The following RABEP1 variants were observed in gnomAD, a reference collection of about 807,000 sequenced individuals.
The protein encoded by RABEP1 is rab GTPase-binding effector protein 1.
Under a neutral mutation model 123.4 loss-of-function variants are expected in RABEP1, and 51 were observed. The ratio of observed to expected loss-of-function variants is 0.41; its 90% CI spans 0.33 to 0.52. The LOEUF (loss-of-function observed/expected upper bound fraction) is 0.52. Among genes scored for constraint, RABEP1 ranks in the 20% least tolerant of loss-of-function variants. The pLI, the probability that RABEP1 is intolerant of heterozygous loss-of-function variation, is 0.16. For synonymous variants in RABEP1, 347 were observed against 355.2 expected (o/e 0.98, Z 0.26); for missense variants, 888 against 996.3 (o/e 0.89, Z 1.46).
At position 5,319,435 on chromosome 17, in the gene RABEP1, C is replaced by T. The variant is rs147621465; in HGVS notation, c.163+10613C>T. ...AGGCTGGAGTGCAGTGCCGCAATCT[C>T]GGCTCACTGCAACCTCTGCCTCCCA... On this transcript the variant is annotated intron_variant, in intron 2 of 17. Coordinates refer to ENST00000537505, the MANE Select transcript of RABEP1 (RefSeq NM_004703.6). 2.2e-3 allele frequency among the ~76,000 whole-genome samples: 340 copies of T among 151,786 alleles called. 1 individual carries two copies. Among genetic ancestry groups the T allele is most frequent in the Middle Eastern group, 0.014 (4 of 290 alleles).
In RABEP1 at chr17:5,384,860, T is replaced by C. The variant is rs1157599459; in HGVS notation, c.*1637T>C. On this transcript the variant is annotated 3_prime_UTR_variant, in exon 18 of 18. Transcript: ENST00000537505. Reference sequence around the variant, plus strand: ...GAGTTACAGGGGATTTTATTAATTATAAAATGCAATCAATTTAAATTACGT... The same window carrying C: ...GAGTTACAGGGGATTTTATTAATTACAAAATGCAATCAATTTAAATTACGT... 9.2e-6 allele frequency: 2 copies of C among 218,506 alleles called. No individual in the cohort carries two copies. Among genetic ancestry groups the C allele is most frequent in the African/African-American group, 2.2e-5 (1 of 44,612 alleles). The allele number at this position is 218,506 out of a possible 1,614,324, so 13.5% of individuals were successfully genotyped here.
chr17:5,298,227 G>A (rs7213177), intron 1 of RABEP1, among the ~76,000 whole-genome samples: 79,409 of 152,060 alleles, frequency 0.52, 21,701 homozygotes, highest in East Asian at 0.96. Flanking sequence ...TATAGCTAAT[G>A]TGTAGCCTTT....
intron 8 of RABEP1, among the ~76,000 whole-genome samples, chr17:5,356,321 A>C (rs1208839098): frequency 6.6e-6 from 1 of 152,122 alleles, no homozygotes; most frequent in African/African-American, 2.4e-5. Context: ...TTGCTACTGC[A>C]CTCCAGCCTG....
intron 6 of RABEP1, among the ~76,000 whole-genome samples, chr17:5,347,526 C>G (rs944284536): frequency 2.0e-5 from 3 of 152,158 alleles, no homozygotes; most frequent in Non-Finnish European, 2.9e-5. Context: ...CTTTTCCCCC[C>G]ACACTCATTT....
chr17:5,343,731 A>T (rs1184768255), intron 5 of RABEP1, among the ~76,000 whole-genome samples: 4 of 118,278 alleles, frequency 3.4e-5, no homozygotes, highest in Non-Finnish European at 6.4e-5. Context: ...GCTGGAGTGT[A>T]GTGGCATGAT....
chr17:5,326,535 C>G (rs1905985730), intron 2 of RABEP1, among the ~76,000 whole-genome samples: 2 of 152,142 alleles, frequency 1.3e-5, no homozygotes, highest in Admixed American at 6.6e-5. Context: ...AGCAGTGAAA[C>G]TATTTTATAT....
chr17:5,301,130 A>G (rs1386102145), intron 1 of RABEP1, among the ~76,000 whole-genome samples: 2 of 152,292 alleles, frequency 1.3e-5, no homozygotes, highest in African/African-American at 2.4e-5. Context: ...CTGCTGGCCT[A>G]TAGAAATTCA....
chr17:5,314,559 C>A (rs1275815406), intron 2 of RABEP1, among the ~76,000 whole-genome samples: 1 of 149,040 alleles, frequency 6.7e-6, no homozygotes, highest in Admixed American at 6.7e-5. Context: ...TGCTCTGTCA[C>A]CCAGGCTGGA....
At chr17:5,328,951 T>C (rs955083153) in intron 2 of RABEP1, among the ~76,000 whole-genome samples, 2 of 151,140 alleles carry the variant, frequency 1.3e-5, no homozygotes, top group African/African-American at 2.4e-5. Context: ...AAAAATAAAT[T>C]ATTAGTATAA....
intron 7 of RABEP1, 50 bp downstream of exon 7, chr17:5,350,679 C>T: frequency 2.5e-6 from 4 of 1,583,838 alleles, no homozygotes; most frequent in East Asian, 2.2e-5. Flanking sequence ...ATGTCCCCCA[C>T]CACATGTGAT....
intron 14 of RABEP1, 80 bp downstream of exon 14, chr17:5,377,385 G>A (rs757361886): frequency 2.8e-5 from 31 of 1,116,474 alleles, no homozygotes; most frequent in Non-Finnish European, 3.7e-5. Context: ...TGGCCATGGA[G>A]TCTGGAACAC....
chr17:5,366,867 A>G (rs1910039212), intron 11 of RABEP1, among the ~76,000 whole-genome samples: 1 of 151,748 alleles, frequency 6.6e-6, no homozygotes, highest in Admixed American at 6.6e-5. Flanking sequence ...AGGCGGGCAG[A>G]TTACCTGAGG....
intron 11 of RABEP1, among the ~76,000 whole-genome samples, chr17:5,366,873 TGAGGTCAG>T (rs1910040145): frequency 6.6e-6 from 1 of 151,754 alleles, no homozygotes; most frequent in Admixed American, 6.6e-5. Flanking sequence ...GCAGATTACC[TGAGGTCAG>T]GAGTTTGAGA....
chr17:5,308,160 C>T (rs934779639), intron 1 of RABEP1, among the ~76,000 whole-genome samples: 9 of 151,198 alleles, frequency 6.0e-5, no homozygotes, highest in African/African-American at 2.2e-4. Flanking sequence ...TTATGTGATT[C>T]TCTGTATATT....
Position 5,327,038 on chromosome 17 carries a change from A to T in RABEP1, c.164-4911A>T, listed in dbSNP as rs117827706. Among the ~76,000 whole-genome samples, 238 of 152,348 alleles carry T rather than the reference A, an allele frequency of 1.6e-3. 4 individuals carry two copies. The East Asian group carries it at 0.041, about 26-fold the overall frequency. Reference sequence around the variant, plus strand: ...TGCTGTAAGCAGTTACAACACAGTGATATTTTTGTATTAAACATAGCTAAA... The same window carrying T: ...TGCTGTAAGCAGTTACAACACAGTGTTATTTTTGTATTAAACATAGCTAAA... On this transcript the variant is annotated intron_variant, in intron 2 of 17. Transcript: ENST00000537505.
At chr17:5,378,694 T>C (rs8081115) in intron 15 of RABEP1, 126,238 of 202,382 alleles carry the variant, frequency 0.62, 42,090 homozygotes, top group East Asian at 0.97. Context: ...GCTCTCCCCT[T>C]CCACACACTG....
At chr17:5,314,790 T>A (rs1419929337) in intron 2 of RABEP1, among the ~76,000 whole-genome samples, 3 of 152,234 alleles carry the variant, frequency 2.0e-5, no homozygotes, top group Non-Finnish European at 4.4e-5. Flanking sequence ...AGTGCTGGGA[T>A]TACAGGTGTG....
intron 1 of RABEP1, among the ~76,000 whole-genome samples, chr17:5,299,987 C>T (rs1387946604): frequency 6.6e-6 from 1 of 151,914 alleles, no homozygotes; most frequent in Non-Finnish European, 1.5e-5. Flanking sequence ...CTCGGCCTCC[C>T]AAAGTGCTGT....
chr17:5,372,322 G>A (rs1435870335), intron 12 of RABEP1, among the ~76,000 whole-genome samples: 1 of 152,142 alleles, frequency 6.6e-6, no homozygotes, highest in Non-Finnish European at 1.5e-5. Context: ...GTGCGTGCCT[G>A]TAGTCCCAGC....
Sources: allele counts gnomAD v4.1 joint callset (sites outside exome capture counted in the v4.1 genomes callset), GRCh38; gene constraint gnomAD v4.1.1; transcripts MANE v1.5; gene names NCBI Gene and HGNC (gene_info 2026-07-23, HGNC 2026-07-21).